CMYA5: variants seen among roughly 807,000 people sequenced by gnomAD.
CMYA5 encodes the protein cardiomyopathy-associated protein 5.
A neutral mutation model predicts 318.9 loss-of-function variants in CMYA5; 246 were observed. That is an observed-to-expected ratio of 0.77 (90% CI 0.70 to 0.86). CMYA5 has a LOEUF of 0.86. Ranked by LOEUF, CMYA5 falls within the 40% of genes least tolerant of loss-of-function variation. The pLI is 0.00. For missense variants in CMYA5, 4,589 were observed against 4,678.2 expected, an observed-to-expected ratio of 0.98 and a Z score of 0.56; for synonymous variants, 1,641 against 1,729.5, an observed-to-expected ratio of 0.95 and a Z score of 1.27.
At chr5:79,722,042 A>G (rs1385234733) in intron 1 of CMYA5, among the ~76,000 whole-genome samples, 2 of 152,206 alleles carry the variant, frequency 1.3e-5, no homozygotes, top group African/African-American at 2.4e-5. Context: ...ACCCATAAAC[A>G]TTTTTCTTAA....
At position 79,698,250 on chromosome 5, in the gene CMYA5, C is replaced by G. The variant is rs139124495; in HGVS notation, c.149+8194C>G. 1.8e-3 allele frequency among the ~76,000 whole-genome samples: 278 copies of G among 152,060 alleles called. 1 individual carries two copies. The highest frequency in any genetic ancestry group is 6.0e-3 in the African/African-American group (247 of 41,452). On this transcript the variant is annotated intron_variant, in intron 1 of 12. Transcript: ENST00000446378. ...CTCCAAGAAGAGCTTCAATAAATCC[C>G]CTAGTCATCCATCACCATTTTGGGC...
chr5:79,731,654 G>A lies in CMYA5; in HGVS notation c.2889G>A (p.Gln963=), dbSNP rs1178131093. The change falls in exon 2 of 13, where the codon CAG becomes CAA. Residue 963 remains glutamine (Q), a synonymous_variant. Coordinates refer to ENST00000446378, the MANE Select transcript of CMYA5 (RefSeq NM_153610.5). ...TCTCATTTCCACCGTATGCAACCCA[G>A]GAAGCAGAGAAAAGAGAATTTGAGT... ...SEFSFPPYAT[Q]EAEKREFECD... is the part of the protein sequence containing the mutation. The A allele has an allele frequency of 6.2e-7, 1 of 1,613,748 alleles. No homozygotes were observed. The highest frequency in any genetic ancestry group is 8.5e-7 in the Non-Finnish European group (1 of 1,179,854).
chr5:79,774,881 C>A (rs1198415746), intron 9 of CMYA5, among the ~76,000 whole-genome samples: 1 of 152,134 alleles, frequency 6.6e-6, no homozygotes, highest in African/African-American at 2.4e-5. Flanking sequence ...AGTGAGGAAT[C>A]CCAGCATTTT....
rs974158461 is a variant in CMYA5, at chr5:79,733,202, T to A, written c.4437T>A (p.Ser1479=). Residue 1479 remains serine (S), a synonymous_variant, in exon 2 of 13, where the codon TCT becomes TCA. Coordinates refer to ENST00000446378, the MANE Select transcript of CMYA5 (RefSeq NM_153610.5). ...GGTTGCCAGTAATCAAAACATCATCTTCTCAGCATTCAGATAAATCTGAGG... is the reference window on the plus strand; with the variant it reads ...GGTTGCCAGTAATCAAAACATCATCATCTCAGCATTCAGATAAATCTGAGG... The part of the protein sequence containing the change: ...KAGLPVIKTS[S]SQHSDKSEEA... 1.9e-6 allele frequency: 3 copies of A among 1,613,574 alleles called. No individual in the cohort carries two copies. Among genetic ancestry groups the A allele is most frequent in the East Asian group, 4.5e-5 (2 of 44,890 alleles).
chr5:79,735,931 A>G lies in CMYA5; in HGVS notation c.7166A>G (p.Lys2389Arg). ...DVVDKVPQQP[K>R]SASSNFASKN... ...GTAGATAAGGTGCCACAACAGCCAA[A>G]ATCAGCTTCCTCCAACTTTGCAAGT... The change falls in exon 2 of 13, where the codon AAA (lysine) becomes AGA (arginine). Residue 2389 changes from lysine to arginine, a missense_variant. Physicochemically the swap from Lys to Arg is conservative, Grantham distance 26 (BLOSUM62 2). Transcript: ENST00000446378. 6.2e-7 allele frequency: 1 copy of G among 1,609,904 alleles called. No individual in the cohort carries two copies. The highest frequency in any genetic ancestry group is 1.1e-5 in the South Asian group (1 of 89,738).
Position 79,730,042 on chromosome 5 carries a change from A to G in CMYA5, c.1277A>G (p.Asp426Gly). 6.2e-7 allele frequency: 1 copy of G among 1,613,984 alleles called. No individual in the cohort carries two copies. The highest frequency in any genetic ancestry group is 8.5e-7 in the Non-Finnish European group (1 of 1,179,900). The change falls in exon 2 of 13, where the codon GAT (aspartate) becomes GGT (glycine). Residue 426 changes from aspartate to glycine, a missense_variant. Coordinates refer to ENST00000446378, the MANE Select transcript of CMYA5 (RefSeq NM_153610.5). ...TTTGCTAATGAGGTAAAGAAGGAAG[A>G]TGTGTATTCTGCTCACCATTCCATT... ...PSFANEVKKE[D>G]VYSAHHSISL... is the part of the protein sequence containing the mutation.
At chr5:79,756,206 G>C (rs1561220941) in intron 6 of CMYA5, among the ~76,000 whole-genome samples, 1 of 147,288 alleles carries the variant, frequency 6.8e-6, no homozygotes, top group African/African-American at 2.5e-5. Flanking sequence ...GACAGTATCA[G>C]GGTCTCTGAC....
intron 1 of CMYA5, among the ~76,000 whole-genome samples, chr5:79,698,108 A>G (rs761313556): frequency 5.9e-5 from 9 of 152,084 alleles, no homozygotes; most frequent in South Asian, 2.1e-4. Flanking sequence ...TTAAAAGACA[A>G]TTTATATTAG....
intron 9 of CMYA5, among the ~76,000 whole-genome samples, chr5:79,764,751 G>A: frequency 6.6e-6 from 1 of 152,296 alleles, no homozygotes; most frequent in Middle Eastern, 3.4e-3. Flanking sequence ...CAGTGATGAT[G>A]AGCTTTTTTT....
intron 1 of CMYA5, among the ~76,000 whole-genome samples, chr5:79,697,787 C>T (rs1827099739): frequency 6.6e-6 from 1 of 152,056 alleles, no homozygotes. Flanking sequence ...TATTTGAGTA[C>T]AATTTTGCTA....
rs767104221 is a variant in CMYA5, at chr5:79,733,638, A to G, written c.4873A>G (p.Lys1625Glu). 2 of 1,613,510 alleles carry G rather than the reference A, an allele frequency of 1.2e-6. No individual in the cohort carries two copies. Among genetic ancestry groups the G allele is most frequent in the Non-Finnish European group, 1.7e-6 (2 of 1,179,742 alleles). The change falls in exon 2 of 13, where the codon AAA (lysine) becomes GAA (glutamate). Residue 1625 changes from lysine (K) to glutamate (E), a missense_variant. Physicochemically the swap from Lys to Glu is moderately conservative, Grantham distance 56. Around this residue, in one of 3 missense-constraint regions of CMYA5, gnomAD observed 2,132 missense variants for 2,131.3 expected, o/e 1.00. Coordinates refer to ENST00000446378, the MANE Select transcript of CMYA5 (RefSeq NM_153610.5). ...AGAGCTGTCTTTGGAACCTGAGAAG[A>G]AAGACAAGCCACACCAACCGTTGGA... Reference protein sequence around the residue: ...LAELSLEPEKKDKPHQPLELP... With the variant: ...LAELSLEPEKEDKPHQPLELP...
chr5:79,733,955 C>A lies in CMYA5; in HGVS notation c.5190C>A (p.Ala1730=). The A allele has an allele frequency of 1.2e-6, 2 of 1,613,524 alleles. No homozygotes were observed. Among genetic ancestry groups the A allele is most frequent in the Non-Finnish European group, 1.7e-6 (2 of 1,179,828 alleles). ...GCCTAGAGTCGAAAGAACCACCTGC[C>A]TCTGTAGCTGAAGGAGGCAACCCAG... ...IISLESKEPP[A]SVAEGGNPEE... is the part of the protein sequence containing the mutation. The change falls in exon 2 of 13, where the codon GCC becomes GCA. Residue 1730 remains alanine, a synonymous_variant. Coordinates refer to ENST00000446378, the MANE Select transcript of CMYA5 (RefSeq NM_153610.5).
Position 79,732,104 on chromosome 5 carries a change from G to A in CMYA5, c.3339G>A (p.Gln1113=). ...VSEYLILAQK[Q]KTQAYLEPES... ...AATATCTCATTTTGGCACAGAAGCA[G>A]AAAACTCAAGCATATTTAGAGCCTG... The change falls in exon 2 of 13, where the codon CAG becomes CAA. Residue 1113 remains glutamine, a synonymous_variant. Coordinates refer to ENST00000446378, the MANE Select transcript of CMYA5 (RefSeq NM_153610.5). 6.2e-7 allele frequency: 1 copy of A among 1,613,978 alleles called. No homozygotes were observed. Among genetic ancestry groups the A allele is most frequent in the Non-Finnish European group, 8.5e-7 (1 of 1,179,868 alleles).
At chr5:79,788,466 ATTTTT>A (rs3061542) in intron 9 of CMYA5, among the ~76,000 whole-genome samples, 1 of 139,604 alleles carries the variant, frequency 7.2e-6, no homozygotes, top group Admixed American at 7.0e-5. Context: ...AACTTTGAGA[ATTTTT>A]TTTTTTTTTT....
At chr5:79,792,927 A>C (rs1472730656) in intron 11 of CMYA5, among the ~76,000 whole-genome samples, 1 of 152,242 alleles carries the variant, frequency 6.6e-6, no homozygotes, top group Non-Finnish European at 1.5e-5. Context: ...GGCACTGGCC[A>C]GCACTAGCTA....
Position 79,738,920 on chromosome 5 carries a change from A to G in CMYA5, c.10155A>G (p.Ala3385=), listed in dbSNP as rs546758427. The G allele has an allele frequency of 3.7e-6, 6 of 1,613,846 alleles. No homozygotes were observed. The highest frequency in any genetic ancestry group is 1.1e-5 in the South Asian group (1 of 91,088). Residue 3385 remains alanine (A), a synonymous_variant, in exon 2 of 13, where the codon GCA becomes GCG. Transcript: ENST00000446378. ...VQVSFPEEEF[A]SGATHVQETS... is the part of the protein sequence containing the mutation. ...TGTCCTTCCCGGAGGAAGAATTTGC[A>G]TCTGGTGCAACTCATGTTCAAGAAA...
In CMYA5 at chr5:79,731,439, C is replaced by G; in HGVS notation, c.2674C>G (p.Arg892Gly). Reference protein sequence around the residue: ...LSDEEAVELERYTPSSTSASE... With the variant: ...LSDEEAVELEGYTPSSTSASE... ...AGACGAAGAGGCAGTCGAGTTGGAA[C>G]GATACACACCCTCTTCTACATCTGC... The change falls in exon 2 of 13, where the codon CGA becomes GGA. Residue 892 changes from arginine (R) to glycine (G), a missense_variant. By Grantham distance (125) the Arg-to-Gly change is moderately radical. Transcript: ENST00000446378. The G allele has an allele frequency of 6.2e-7, 1 of 1,612,628 alleles. No homozygotes were observed. The highest frequency in any genetic ancestry group is 1.1e-5 in the South Asian group (1 of 90,850).
At position 79,732,523 on chromosome 5, in the gene CMYA5, G is replaced by T; in HGVS notation, c.3758G>T (p.Gly1253Val). 6.2e-7 allele frequency: 1 copy of T among 1,613,232 alleles called. No individual in the cohort carries two copies. Among genetic ancestry groups the T allele is most frequent in the East Asian group, 2.2e-5 (1 of 44,862 alleles). The change falls in exon 2 of 13, where the codon GGT becomes GTT. Residue 1253 changes from glycine to valine, a missense_variant. Coordinates refer to ENST00000446378, the MANE Select transcript of CMYA5 (RefSeq NM_153610.5). ...LPDMVDEPKK[G>V]VKPKLVLNVT... ...GACATGGTAGATGAGCCAAAGAAGG[G>T]TGTCAAGCCCAAATTAGTTCTAAAT...
At position 79,739,045 on chromosome 5, in the gene CMYA5, T is replaced by G; in HGVS notation, c.10280T>G (p.Leu3427Arg). 3 of 1,613,932 alleles carry G rather than the reference T, an allele frequency of 1.9e-6. No individual in the cohort carries two copies. The highest frequency in any genetic ancestry group is 2.5e-6 in the Non-Finnish European group (3 of 1,179,864). ...VQDEYEFTES[L>R]HNEVVPQDIL... ...GATGAGTATGAATTTACAGAATCCC[T>G]GCATAATGAAGTGGTTCCTCAAGAC... The change falls in exon 2 of 13, where the codon CTG becomes CGG. Residue 3427 changes from leucine to arginine, a missense_variant. Around this residue, in one of 3 missense-constraint regions of CMYA5, gnomAD observed 2,431 missense variants for 2,495.1 expected, o/e 0.97. Coordinates refer to ENST00000446378, the MANE Select transcript of CMYA5 (RefSeq NM_153610.5).
Sources: allele counts gnomAD v4.1 joint callset (sites outside exome capture counted in the v4.1 genomes callset), GRCh38; gene constraint gnomAD v4.1.1; regional missense constraint gnomAD v4.1.1; transcripts MANE v1.5; gene names NCBI Gene and HGNC (gene_info 2026-07-23, HGNC 2026-07-21).